The following CAPN13 variants were observed in gnomAD, a reference collection of about 807,000 sequenced individuals.
CAPN13 encodes the protein calpain-13.
Under a neutral mutation model 98.4 loss-of-function variants are expected in CAPN13, and 90 were observed. The observed-to-expected ratio is 0.92, with a 90% CI of 0.77 to 1.09. CAPN13 has a LOEUF of 1.09. Among genes scored for constraint, CAPN13 ranks in the 50% least tolerant of loss-of-function variants. The pLI, the probability that CAPN13 is intolerant of heterozygous loss-of-function variation, is 0.00. For missense variants in CAPN13, 887 were observed against 841.3 expected (o/e 1.05, Z -0.67); for synonymous variants, 330 against 305.5 (o/e 1.08, Z -0.84).
Position 30,731,564 on chromosome 2 carries a change from G to A in CAPN13, c.1928-165C>T, listed in dbSNP as rs147658377. Among the ~76,000 whole-genome samples the A allele has an allele frequency of 4.7e-3, 717 of 152,230 alleles. 8 individuals are homozygous for A. Among genetic ancestry groups the A allele is most frequent in the Non-Finnish European group, 3.8e-3 (261 of 68,020 alleles). On this transcript the variant is annotated intron_variant, in intron 20 of 22. Transcript: ENST00000295055. Reference sequence around the variant, plus strand: ...CACCCATCCTTTTCTCTGTCTAGCCGAGCTCTGCACGGGGCGAGTGGCTCA... The same window carrying A: ...CACCCATCCTTTTCTCTGTCTAGCCAAGCTCTGCACGGGGCGAGTGGCTCA...
chr2:30,767,369 A>C (rs1172796445), intron 5 of CAPN13, among the ~76,000 whole-genome samples: 2 of 152,224 alleles, frequency 1.3e-5, no homozygotes, highest in Non-Finnish European at 2.9e-5. Context: ...TTTAAGCAGT[A>C]GAATGCGGAT....
At chr2:30,770,059 C>T (rs1673319689) in intron 5 of CAPN13, among the ~76,000 whole-genome samples, 1 of 152,190 alleles carries the variant, frequency 6.6e-6, no homozygotes, top group African/African-American at 2.4e-5. Flanking sequence ...TTTCTTTGGG[C>T]CCTGATACCA....
intron 1 of CAPN13, among the ~76,000 whole-genome samples, chr2:30,805,439 G>A (rs1418030122): frequency 6.6e-6 from 1 of 152,068 alleles, no homozygotes; most frequent in African/African-American, 2.4e-5. Flanking sequence ...GTGCTAAGTA[G>A]CACTTAAGCT....
intron 7 of CAPN13, among the ~76,000 whole-genome samples, chr2:30,759,825 T>A (rs887668056): frequency 9.2e-5 from 14 of 152,196 alleles, no homozygotes; most frequent in Admixed American, 2.6e-4. Flanking sequence ...GCCTCGACTG[T>A]GACCCTTGAG....
At chr2:30,777,426 G>T in intron 3 of CAPN13, 141 bp downstream of exon 3, 1 of 698,798 alleles carries the variant, frequency 1.4e-6, no homozygotes, top group Non-Finnish European at 2.5e-6. Flanking sequence ...CAGGCTGCAG[G>T]ACTGGGCGTG....
intron 1 of CAPN13, 127 bp from the exon 2 acceptor site, chr2:30,787,484 C>CCA: frequency 1.6e-6 from 1 of 629,776 alleles, no homozygotes; most frequent in Non-Finnish European, 2.6e-6. Context: ...TCTGCACTGT[C>CCA]CCTGGTGGCA....
intron 1 of CAPN13, among the ~76,000 whole-genome samples, chr2:30,789,720 C>T (rs1219654220): frequency 6.6e-6 from 1 of 151,796 alleles, no homozygotes; most frequent in Non-Finnish European, 1.5e-5. Context: ...ACACGCAGCA[C>T]AGTGACTGGT....
At chr2:30,726,916 G>A (rs1007933584) in intron 22 of CAPN13, among the ~76,000 whole-genome samples, 13 of 151,916 alleles carry the variant, frequency 8.6e-5, no homozygotes, top group Non-Finnish European at 1.9e-4. Flanking sequence ...AAATAAAGTT[G>A]GAAAACTCAC....
intron 4 of CAPN13, among the ~76,000 whole-genome samples, chr2:30,774,146 T>TA (rs1673556083): frequency 6.6e-6 from 1 of 152,096 alleles, no homozygotes; most frequent in Non-Finnish European, 1.5e-5. Flanking sequence ...TAAAAATTAA[T>TA]AAAAGTAAGA....
intron 7 of CAPN13, among the ~76,000 whole-genome samples, chr2:30,761,798 G>A (rs796388441): frequency 6.6e-6 from 1 of 152,154 alleles, no homozygotes; most frequent in Admixed American, 6.5e-5. Context: ...TTGGGACACC[G>A]ATCAAACCAT....
At chr2:30,787,724 T>C (rs756870711) in intron 1 of CAPN13, among the ~76,000 whole-genome samples, 24 of 152,158 alleles carry the variant, frequency 1.6e-4, no homozygotes, top group Middle Eastern at 3.4e-3. Context: ...ATGAGTTGCA[T>C]TGGAAAGGTC....
chr2:30,783,906 T>C (rs11891910), intron 2 of CAPN13, among the ~76,000 whole-genome samples: 15,750 of 151,954 alleles, frequency 0.1, 2,507 homozygotes, highest in African/African-American at 0.34. Context: ...TGAGGCTGGG[T>C]GTGGTGTCTC....
chr2:30,753,545 C>T (rs1461059899), intron 9 of CAPN13, among the ~76,000 whole-genome samples: 7 of 152,188 alleles, frequency 4.6e-5, no homozygotes, highest in Non-Finnish European at 1.0e-4. Flanking sequence ...AGGAAAATTG[C>T]TTTTCCCCTA....
intron 1 of CAPN13, among the ~76,000 whole-genome samples, chr2:30,802,891 C>T (rs10196305): frequency 0.024 from 3,587 of 152,274 alleles, 142 homozygotes; most frequent in African/African-American, 0.082. Context: ...CCCACGCCCA[C>T]CTAGGGCAGG....
Position 30,763,152 on chromosome 2 carries a change from G to T in CAPN13, c.704C>A (p.Thr235Lys), listed in dbSNP as rs892479510. 1.2e-6 allele frequency: 2 copies of T among 1,610,638 alleles called. No homozygotes were observed. The highest frequency in any genetic ancestry group is 8.5e-7 in the Non-Finnish European group (1 of 1,178,484). ...LITCATPSGPTDTAQAMENGL... is the reference protein window; with the variant it reads ...LITCATPSGPKDTAQAMENGL... The stretch of plus-strand genomic sequence containing the variant: ...ATTCTCCATCGCCTGTGCTGTATCT[G>T]TTGGCTTCAAGGCAGAAAAGCAGAT... Residue 235 changes from threonine to lysine, a missense_variant, in exon 7 of 23, where the codon ACA becomes AAA. Transcript: ENST00000295055.
chr2:30,777,420 C>A, intron 3 of CAPN13, 147 bp downstream of exon 3: 9 of 678,668 alleles, frequency 1.3e-5, no homozygotes, highest in Non-Finnish European at 2.1e-5. Context: ...TCATTGCAGG[C>A]TGCAGGACTG....
chr2:30,747,562 C>A (rs986944905), intron 11 of CAPN13, among the ~76,000 whole-genome samples: 1 of 152,224 alleles, frequency 6.6e-6, no homozygotes, highest in Non-Finnish European at 1.5e-5. Flanking sequence ...GTCCTGTCTT[C>A]TCCCTGCCTA....
At chr2:30,738,027 A>G in intron 17 of CAPN13, 1 of 623,974 alleles carries the variant, frequency 1.6e-6, no homozygotes, top group Non-Finnish European at 3.0e-6. Flanking sequence ...TGATCAGCAC[A>G]TAGTAGGTGC....
intron 7 of CAPN13, among the ~76,000 whole-genome samples, chr2:30,760,498 A>G (rs1672791377): frequency 6.6e-6 from 1 of 152,210 alleles, no homozygotes. Context: ...TAAACGAGGC[A>G]TGCAGATAAA....
Sources: gnomAD v4.1 joint callset for allele counts (sites outside exome capture counted in the v4.1 genomes callset) on GRCh38, gnomAD v4.1.1 for gene constraint, MANE v1.5 for transcripts, NCBI Gene and HGNC (gene_info 2026-07-23, HGNC 2026-07-21) for gene names.